CSMD1: variants seen among roughly 807,000 people sequenced by gnomAD.
CSMD1 encodes CUB and sushi domain-containing protein 1.
CSMD1 carries 213 observed loss-of-function variants against 417.5 expected under a neutral mutation model. That is an observed-to-expected ratio of 0.51 (90% CI 0.46 to 0.57). The LOEUF (loss-of-function observed/expected upper bound fraction) is 0.57. CSMD1 is among the 20% of genes least tolerant of loss of function. The pLI, the probability that CSMD1 is intolerant of heterozygous loss-of-function variation, is 0.00. For synonymous variants in CSMD1, 2,862 were observed against 1,736.8 expected (o/e 1.65, Z -16.11); for missense variants, 6,923 against 4,529.7 (o/e 1.53, Z -15.17).
chr8:4,461,035 C>G (rs1179779777), intron 2 of CSMD1, among the ~76,000 whole-genome samples: 1 of 152,084 alleles, frequency 6.6e-6, no homozygotes, highest in Non-Finnish European at 1.5e-5. Context: ...AAATTCAGAT[C>G]CAACAACATA....
chr8:3,466,570 T>A (rs9792369), intron 12 of CSMD1, among the ~76,000 whole-genome samples: 48,572 of 147,118 alleles, frequency 0.33, 8,714 homozygotes, highest in East Asian at 0.56. Context: ...CCCTCCACAA[T>A]CAGCTAATTT....
chr8:3,360,210 T>A (rs1040094632), intron 20 of CSMD1, among the ~76,000 whole-genome samples: 1 of 152,220 alleles, frequency 6.6e-6, no homozygotes, highest in Non-Finnish European at 1.5e-5. Flanking sequence ...GTACTAAAAT[T>A]ACTATAAACC....
chr8:4,411,665 T>C (rs559894364), intron 3 of CSMD1, among the ~76,000 whole-genome samples: 141 of 152,310 alleles, frequency 9.3e-4, no homozygotes, highest in African/African-American at 3.3e-3. Flanking sequence ...ATTTTCACAA[T>C]TCACATTTTC....
At chr8:4,099,261 G>C (rs906466917) in intron 3 of CSMD1, among the ~76,000 whole-genome samples, 4 of 151,324 alleles carry the variant, frequency 2.6e-5, no homozygotes, top group Non-Finnish European at 5.9e-5. Context: ...GTCTTTCTTT[G>C]TTCTGTTACT....
In CSMD1 at chr8:4,892,801, G is replaced by T. The variant is rs763034231; in HGVS notation, c.85+101531C>A. On this transcript the variant is annotated intron_variant, in intron 1 of 69. Transcript: ENST00000635120. ...TAATAGGGTATAAATCTACCTTGTA[G>T]ATGGGAACTTCTGTATGCTACTCCA... Among the ~76,000 whole-genome samples, 20 of 152,054 alleles carry T rather than the reference G, an allele frequency of 1.3e-4. 1 individual carries two copies. Among genetic ancestry groups the T allele is most frequent in the Non-Finnish European group, 1.8e-4 (12 of 68,024 alleles).
At position 3,575,074 on chromosome 8, in the gene CSMD1, C is replaced by G. The variant is rs1563167002; in HGVS notation, c.1223-8G>C. 1.9e-6 allele frequency: 3 copies of G among 1,606,266 alleles called. No homozygotes were observed. The highest frequency in any genetic ancestry group is 1.7e-6 in the Non-Finnish European group (2 of 1,175,752). Reference sequence around the variant, plus strand: ...TGGATCCACATGTTCTCGCTGGAAACACATAGAAACGACGTTATTTTCTAC... The same window carrying G: ...TGGATCCACATGTTCTCGCTGGAAAGACATAGAAACGACGTTATTTTCTAC... On this transcript the variant is annotated splice_region_variant and splice_polypyrimidine_tract_variant and intron_variant, in intron 9 of 69. Coordinates refer to ENST00000635120, the MANE Select transcript of CSMD1 (RefSeq NM_033225.6).
chr8:4,103,977 T>A (rs906889230), intron 3 of CSMD1, among the ~76,000 whole-genome samples: 1 of 152,218 alleles, frequency 6.6e-6, no homozygotes, highest in Non-Finnish European at 1.5e-5. Flanking sequence ...CGTGAGCTCC[T>A]GATGTTCTAA....
intron 2 of CSMD1, among the ~76,000 whole-genome samples, chr8:4,631,790 G>T (rs976640503): frequency 6.6e-6 from 1 of 152,142 alleles, no homozygotes; most frequent in Non-Finnish European, 1.5e-5. Context: ...CAGCATTGCA[G>T]AAAATTAGGG....
At chr8:3,986,746 C>T (rs780432268) in intron 5 of CSMD1, among the ~76,000 whole-genome samples, 4 of 149,006 alleles carry the variant, frequency 2.7e-5, no homozygotes, top group Non-Finnish European at 5.9e-5. Flanking sequence ...CCTGCTTTTA[C>T]AATGTTTAAG....
At chr8:3,522,927 A>G (rs992814907) in intron 10 of CSMD1, among the ~76,000 whole-genome samples, 75 of 150,590 alleles carry the variant, frequency 5.0e-4, no homozygotes, top group African/African-American at 1.4e-3. Context: ...AAATATCAAT[A>G]TATTTATATA....
At chr8:4,223,290 G>A (rs117695243) in intron 3 of CSMD1, among the ~76,000 whole-genome samples, 3,561 of 152,146 alleles carry the variant, frequency 0.023, 61 homozygotes, top group Non-Finnish European at 0.037. Flanking sequence ...TTTTTGCCTC[G>A]AAATTCACCT....
chr8:2,978,544 C>A, intron 55 of CSMD1, 68 bp downstream of exon 55: 3 of 1,257,668 alleles, frequency 2.4e-6, no homozygotes, highest in South Asian at 1.6e-5. Flanking sequence ...AATATACTTA[C>A]GGAATTTTCT....
Position 3,819,168 on chromosome 8 carries a change from G to A in CSMD1, c.819-65126C>T, listed in dbSNP as rs114155049. Among the ~76,000 whole-genome samples the A allele has an allele frequency of 9.1e-3, 1,383 of 152,234 alleles. 29 individuals are homozygous for A. Among genetic ancestry groups the A allele is most frequent in the African/African-American group, 0.03 (1,259 of 41,546 alleles). On this transcript the variant is annotated intron_variant, in intron 5 of 69. Coordinates refer to ENST00000635120, the MANE Select transcript of CSMD1 (RefSeq NM_033225.6). ...GGAAAGGAATCTGACATCAGAGGAT[G>A]AGTCTGCCCACAGTGAAACTCAATG...
At chr8:3,807,896 C>T (rs1387160483) in intron 5 of CSMD1, among the ~76,000 whole-genome samples, 1 of 152,100 alleles carries the variant, frequency 6.6e-6, no homozygotes, top group Non-Finnish European at 1.5e-5. Context: ...CCCCTTCTTG[C>T]CAAGTAATCA....
At chr8:3,616,306 G>C (rs1482213) in intron 8 of CSMD1, among the ~76,000 whole-genome samples, 9,610 of 152,076 alleles carry the variant, frequency 0.063, 494 homozygotes, top group East Asian at 0.24. Flanking sequence ...AGATCTGATG[G>C]TTTTTTAAGA....
chr8:3,789,779 G>A (rs192311861), intron 5 of CSMD1, among the ~76,000 whole-genome samples: 330 of 141,338 alleles, frequency 2.3e-3, no homozygotes, highest in Middle Eastern at 8.4e-3. Context: ...CTCCGAGGCT[G>A]GAGTGCAGCG....
At position 4,799,883 on chromosome 8, in the gene CSMD1, A is replaced by C. The variant is rs78137433; in HGVS notation, c.86-162325T>G. 5.9e-3 allele frequency among the ~76,000 whole-genome samples: 899 copies of C among 152,242 alleles called. 12 individuals are homozygous for C. The highest frequency in any genetic ancestry group is 0.02 in the African/African-American group (826 of 41,554). ...TGTGTAAGAAAGTACTCAAACATTC[A>C]ACAGACCTGGACTGGTAAAATGAAC... On this transcript the variant is annotated intron_variant, in intron 1 of 69. Coordinates refer to ENST00000635120, the MANE Select transcript of CSMD1 (RefSeq NM_033225.6).
intron 3 of CSMD1, among the ~76,000 whole-genome samples, chr8:4,090,867 T>C (rs1345114375): frequency 6.6e-6 from 1 of 152,176 alleles, no homozygotes; most frequent in East Asian, 1.9e-4. Context: ...ATAACTATTT[T>C]ACTAATGGAT....
chr8:3,851,859 T>C (rs960494108), intron 5 of CSMD1, among the ~76,000 whole-genome samples: 1 of 152,050 alleles, frequency 6.6e-6, no homozygotes, highest in Non-Finnish European at 1.5e-5. Flanking sequence ...GGAGCAGACA[T>C]GGCCATGCAA....
Sources: gnomAD v4.1 joint callset for allele counts (sites outside exome capture counted in the v4.1 genomes callset) on GRCh38, gnomAD v4.1.1 for gene constraint, MANE v1.5 for transcripts, NCBI Gene and HGNC (gene_info 2026-07-23, HGNC 2026-07-21) for gene names.